The following SNCAIP variants were observed in gnomAD, a reference collection of about 807,000 sequenced individuals.
SNCAIP encodes synphilin-1.
A neutral mutation model predicts 86.7 loss-of-function variants in SNCAIP; 43 were observed. That is an observed-to-expected ratio of 0.50 (90% CI 0.39 to 0.64). The LOEUF is 0.64. Ranked by LOEUF, SNCAIP falls within the 30% of genes least tolerant of loss-of-function variation. SNCAIP has a pLI of 0.00. For missense variants in SNCAIP, 981 were observed against 1,103.1 expected (o/e 0.89, Z 1.57); for synonymous variants, 417 against 427.2 (o/e 0.98, Z 0.29).
chr5:122,428,674 G>A (rs941053774), intron 5 of SNCAIP, among the ~76,000 whole-genome samples: 4 of 151,570 alleles, frequency 2.6e-5, no homozygotes, highest in Non-Finnish European at 2.9e-5. Context: ...TACATGGGCC[G>A]TGTTGGTTTG....
intron 1 of SNCAIP, among the ~76,000 whole-genome samples, chr5:122,354,208 TC>T (rs1760533527): frequency 6.6e-6 from 1 of 152,190 alleles, no homozygotes; most frequent in African/African-American, 2.4e-5. Context: ...ACATTAATCT[TC>T]CTATTTCAGA....
chr5:122,374,598 T>G (rs1015586567), intron 1 of SNCAIP, among the ~76,000 whole-genome samples: 1 of 152,146 alleles, frequency 6.6e-6, no homozygotes, highest in Non-Finnish European at 1.5e-5. Context: ...AACTGACTCC[T>G]CTTCAAAAAT....
intron 10 of SNCAIP, among the ~76,000 whole-genome samples, chr5:122,461,669 G>GTT (rs55705552): frequency 0.2 from 26,963 of 133,142 alleles, 2,576 homozygotes; most frequent in South Asian, 0.31. Context: ...TTTTATAGCT[G>GTT]TTTTTTTTTT....
intron 1 of SNCAIP, among the ~76,000 whole-genome samples, chr5:122,353,497 G>GC (rs1258803374): frequency 2.0e-5 from 3 of 151,284 alleles, no homozygotes; most frequent in African/African-American, 7.3e-5. Context: ...GTTTGGCTGT[G>GC]CCCCCACCCA....
chr5:122,417,070 A>T (rs766331499), intron 3 of SNCAIP, among the ~76,000 whole-genome samples: 46 of 152,322 alleles, frequency 3.0e-4, no homozygotes, highest in Non-Finnish European at 5.1e-4. Flanking sequence ...TAATTTTCTA[A>T]TACGGACACA....
At chr5:122,409,227 T>C (rs1375372912) in intron 3 of SNCAIP, among the ~76,000 whole-genome samples, 1 of 152,198 alleles carries the variant, frequency 6.6e-6, no homozygotes, top group Non-Finnish European at 1.5e-5. Flanking sequence ...TTTCTCCAAA[T>C]GAGGACAAAA....
intron 1 of SNCAIP, among the ~76,000 whole-genome samples, chr5:122,351,540 A>C (rs993055077): frequency 2.1e-5 from 2 of 96,128 alleles, no homozygotes; most frequent in Non-Finnish European, 4.2e-5. Context: ...CTGTATCAAA[A>C]AAAAAAAAAA....
chr5:122,381,907 A>T (rs1233088328), intron 1 of SNCAIP, among the ~76,000 whole-genome samples: 1 of 152,102 alleles, frequency 6.6e-6, no homozygotes, highest in Non-Finnish European at 1.5e-5. Flanking sequence ...CTGCAGAAAG[A>T]TCTGCTGTTA....
At chr5:122,391,241 C>A in intron 2 of SNCAIP, 50 bp downstream of exon 2, 1 of 1,252,448 alleles carries the variant, frequency 8.0e-7, no homozygotes, top group Non-Finnish European at 1.2e-6. Flanking sequence ...CTGCCTTCAA[C>A]TTCATAGCCT....
At chr5:122,372,776 T>C (rs1460997901) in intron 1 of SNCAIP, among the ~76,000 whole-genome samples, 1 of 152,054 alleles carries the variant, frequency 6.6e-6, no homozygotes, top group Non-Finnish European at 1.5e-5. Flanking sequence ...TTTATAAAGA[T>C]GTCTTCTTTT....
intron 1 of SNCAIP, among the ~76,000 whole-genome samples, chr5:122,385,015 A>G (rs1021329603): frequency 6.6e-6 from 1 of 152,198 alleles, no homozygotes; most frequent in Non-Finnish European, 1.5e-5. Context: ...AGCACAGACA[A>G]CTGGAACACT....
chr5:122,412,377 A>G (rs1774317584), intron 3 of SNCAIP, among the ~76,000 whole-genome samples: 1 of 152,134 alleles, frequency 6.6e-6, no homozygotes, highest in African/African-American at 2.4e-5. Context: ...ATGCTGTCAA[A>G]TGCACTGACA....
At chr5:122,327,272 G>A (rs997934811) in intron 1 of SNCAIP, among the ~76,000 whole-genome samples, 10 of 152,072 alleles carry the variant, frequency 6.6e-5, no homozygotes, top group Non-Finnish European at 1.0e-4. Flanking sequence ...GAAATATCAC[G>A]TTATACCCAA....
At chr5:122,405,254 A>T (rs536028890) in intron 3 of SNCAIP, among the ~76,000 whole-genome samples, 1 of 152,232 alleles carries the variant, frequency 6.6e-6, no homozygotes, top group African/African-American at 2.4e-5. Context: ...AATAGAGAAG[A>T]TACGTGTACT....
chr5:122,344,146 G>A (rs531539280), intron 1 of SNCAIP, among the ~76,000 whole-genome samples: 149 of 151,982 alleles, frequency 9.8e-4, no homozygotes, highest in African/African-American at 2.8e-3. Context: ...CTCCTCCTCC[G>A]CTAAAATGTA....
At chr5:122,326,604 T>C (rs1189903494) in intron 1 of SNCAIP, among the ~76,000 whole-genome samples, 1 of 130,336 alleles carries the variant, frequency 7.7e-6, no homozygotes, top group Non-Finnish European at 1.6e-5. Flanking sequence ...CAGAAATGTC[T>C]CCTTTTTTTT....
intron 5 of SNCAIP, among the ~76,000 whole-genome samples, chr5:122,431,380 G>C (rs758958771): frequency 1.3e-5 from 2 of 152,120 alleles, no homozygotes; most frequent in African/African-American, 2.4e-5. Context: ...TAAATAAATT[G>C]TGGTATAATT....
chr5:122,378,340 T>C (rs1364320288), intron 1 of SNCAIP, among the ~76,000 whole-genome samples: 2 of 135,826 alleles, frequency 1.5e-5, no homozygotes, highest in African/African-American at 2.8e-5. Context: ...AATGTCTTCT[T>C]TTGAGAAGTG....
Position 122,325,626 on chromosome 5 carries a change from T to G in SNCAIP, c.-47+13342T>G, listed in dbSNP as rs1028758789. Among the ~76,000 whole-genome samples the G allele has an allele frequency of 3.3e-5, 5 of 152,234 alleles. No individual in the cohort carries two copies. The East Asian group carries it at 9.6e-4, about 29-fold the overall frequency. Reference sequence around the variant, plus strand: ...ATCTATTTTCTTTGGGGAACCTGACTGACACAGTGATTACCTGTCTCAGAG... The same window carrying G: ...ATCTATTTTCTTTGGGGAACCTGACGGACACAGTGATTACCTGTCTCAGAG... On this transcript the variant is annotated intron_variant, in intron 1 of 10. Transcript: ENST00000261368.
Sources: allele counts gnomAD v4.1 joint callset (sites outside exome capture counted in the v4.1 genomes callset), GRCh38; gene constraint gnomAD v4.1.1; transcripts MANE v1.5; gene names NCBI Gene and HGNC (gene_info 2026-07-23, HGNC 2026-07-21).